The following MYO1E variants were observed in gnomAD, a reference collection of about 807,000 sequenced individuals.
The protein encoded by MYO1E is unconventional myosin-Ie.
A neutral mutation model predicts 151.1 loss-of-function variants in MYO1E; 68 were observed. The observed-to-expected ratio is 0.45, with a 90% CI of 0.37 to 0.55. The LOEUF (loss-of-function observed/expected upper bound fraction) is 0.55. Ranked by LOEUF, MYO1E falls within the 20% of genes least tolerant of loss-of-function variation. The probability of loss-of-function intolerance (pLI) is 0.00; values close to 1 mark genes in which losing one functional copy is unlikely to be tolerated. For synonymous variants in MYO1E, 601 were observed against 501.7 expected (o/e 1.20, Z -2.64); for missense variants, 1,363 against 1,389.3 (o/e 0.98, Z 0.30).
At chr15:59,362,481 G>A (rs889167507) in intron 1 of MYO1E, among the ~76,000 whole-genome samples, 9 of 152,186 alleles carry the variant, frequency 5.9e-5, no homozygotes, top group Non-Finnish European at 2.9e-5. Context: ...GAGGACTCAG[G>A]ACATTCTCCC....
intron 21 of MYO1E, among the ~76,000 whole-genome samples, chr15:59,173,524 T>C (rs1257731761): frequency 1.3e-5 from 2 of 152,242 alleles, no homozygotes; most frequent in African/African-American, 4.8e-5. Context: ...CGCAAATGTA[T>C]GTTTTCATAA....
chr15:59,174,769 A>G (rs1302500974), intron 19 of MYO1E, among the ~76,000 whole-genome samples: 1 of 152,046 alleles, frequency 6.6e-6, no homozygotes, highest in African/African-American at 2.4e-5. Context: ...AGGATTCACC[A>G]ATCTCAGGAT....
chr15:59,191,332 CAGAGAGAG>C lies in MYO1E; in HGVS notation c.1806-3124_1806-3117del, dbSNP rs34694267. Among the ~76,000 whole-genome samples the C allele has an allele frequency of 2.1e-3, 219 of 105,728 alleles. 1 individual carries two copies. The highest frequency in any genetic ancestry group is 4.9e-3 in the African/African-American group (143 of 29,036). 69.4% of individuals were successfully genotyped at this position (105,728 alleles called of 152,430 possible). A position where few individuals can be genotyped will look rare whatever the true frequency, so the allele number is the denominator to read the frequency against. ...CCCATATAAGTCAGACAGACAGAGA[CAGAGAGAG>C]AGAGAGAGAGAGAGAGAGAGAGAGA... On this transcript the variant is annotated intron_variant, in intron 17 of 27. Coordinates refer to ENST00000288235, the MANE Select transcript of MYO1E (RefSeq NM_004998.4).
intron 1 of MYO1E, among the ~76,000 whole-genome samples, chr15:59,305,634 T>G (rs2080510412): frequency 2.0e-5 from 3 of 152,184 alleles, no homozygotes. Context: ...CTTCCTCTAT[T>G]CAGATTTCCT....
rs368611275 is a variant in MYO1E, at chr15:59,321,096, CTAAT to C, written c.4-48651_4-48648del. The stretch of plus-strand genomic sequence containing the variant: ...AAAAATGAAAAAATGCTCAACATCA[CTAAT>C]TATCATAGAAATACAAATCAAAACC... On this transcript the variant is annotated intron_variant, in intron 1 of 27. Transcript: ENST00000288235. 6.8e-3 allele frequency among the ~76,000 whole-genome samples: 1,040 copies of C among 152,310 alleles called. 11 individuals carry two copies. Among genetic ancestry groups the C allele is most frequent in the African/African-American group, 0.024 (977 of 41,562 alleles).
At chr15:59,252,166 T>C (rs1253161147) in intron 4 of MYO1E, among the ~76,000 whole-genome samples, 1 of 152,198 alleles carries the variant, frequency 6.6e-6, no homozygotes, top group African/African-American at 2.4e-5. Flanking sequence ...TTCATTTTTC[T>C]CTTAAAAAGC....
At chr15:59,235,442 G>C (rs748205047) in intron 5 of MYO1E, among the ~76,000 whole-genome samples, 1 of 152,140 alleles carries the variant, frequency 6.6e-6, no homozygotes, top group Non-Finnish European at 1.5e-5. Flanking sequence ...ACAATGTTCT[G>C]AACCTTGTCT....
intron 26 of MYO1E, among the ~76,000 whole-genome samples, chr15:59,150,348 T>C (rs760787708): frequency 4.6e-5 from 7 of 152,176 alleles, no homozygotes; most frequent in Non-Finnish European, 1.0e-4. Flanking sequence ...GGGAACCACA[T>C]GGCAGAGGGC....
chr15:59,178,099 G>C (rs187954947), intron 19 of MYO1E, among the ~76,000 whole-genome samples: 2 of 152,374 alleles, frequency 1.3e-5, no homozygotes, highest in Admixed American at 6.5e-5. Flanking sequence ...CCCTCCAGGA[G>C]TGTAGCAGCT....
intron 12 of MYO1E, chr15:59,212,632 T>G (rs2079886204): frequency 6.6e-6 from 1 of 152,208 alleles, no homozygotes; most frequent in Admixed American, 6.5e-5. Context: ...TCTTTTTCTT[T>G]TTTTTTACAG....
chr15:59,216,683 TATACACATACACACACACACAC>T (rs2079919778), intron 10 of MYO1E, among the ~76,000 whole-genome samples: 1 of 27,470 alleles, frequency 3.6e-5, no homozygotes, highest in African/African-American at 1.3e-4. Flanking sequence ...TATATATATA[TATACACATACACACACACACAC>T]ACACACACAC....
intron 19 of MYO1E, among the ~76,000 whole-genome samples, chr15:59,175,218 A>T (rs1451456413): frequency 2.6e-5 from 4 of 152,208 alleles, no homozygotes; most frequent in African/African-American, 9.7e-5. Flanking sequence ...TTCTCTGTAA[A>T]TCTGCACTTG....
intron 13 of MYO1E, among the ~76,000 whole-genome samples, chr15:59,209,813 ACCTTTTTTTTTTTTTTTTT>A (rs1489512913): frequency 1.4e-5 from 1 of 71,166 alleles, no homozygotes. Flanking sequence ...ATTTTGAATC[ACCTTTTTTTTTTTTTTTTT>A]TTTTTTTTTT....
intron 1 of MYO1E, among the ~76,000 whole-genome samples, chr15:59,344,959 T>C (rs1175678413): frequency 1.3e-5 from 2 of 152,216 alleles, no homozygotes; most frequent in African/African-American, 4.8e-5. Flanking sequence ...TGCATATTGA[T>C]AGGATATGAC....
At chr15:59,280,205 T>C (rs188579606) in intron 1 of MYO1E, among the ~76,000 whole-genome samples, 230 of 152,344 alleles carry the variant, frequency 1.5e-3, no homozygotes, top group Middle Eastern at 6.8e-3. Context: ...GAAATGTCAA[T>C]CTCAAAAGGA....
At chr15:59,262,745 G>A (rs1376938651) in intron 2 of MYO1E, among the ~76,000 whole-genome samples, 1 of 152,094 alleles carries the variant, frequency 6.6e-6, no homozygotes, top group African/African-American at 2.4e-5. Flanking sequence ...TATTATTTCT[G>A]CTTGGGGAAT....
intron 1 of MYO1E, among the ~76,000 whole-genome samples, chr15:59,290,171 T>C (rs987537722): frequency 2.6e-4 from 40 of 152,192 alleles, no homozygotes; most frequent in African/African-American, 9.6e-4. Flanking sequence ...AGATTTGTAC[T>C]GGTTTGGTGG....
intron 16 of MYO1E, among the ~76,000 whole-genome samples, chr15:59,198,387 G>A (rs2079780665): frequency 6.6e-6 from 1 of 152,096 alleles, no homozygotes; most frequent in Non-Finnish European, 1.5e-5. Context: ...CCTGACTGTG[G>A]GTCCTGGCAC....
At chr15:59,360,079 T>C (rs2080876927) in intron 1 of MYO1E, among the ~76,000 whole-genome samples, 2 of 152,234 alleles carry the variant, frequency 1.3e-5, no homozygotes, top group Admixed American at 6.5e-5. Flanking sequence ...TCATGAGTTG[T>C]CAACGGCTGA....
Sources: gnomAD v4.1 joint callset for allele counts (sites outside exome capture counted in the v4.1 genomes callset) on GRCh38, gnomAD v4.1.1 for gene constraint, MANE v1.5 for transcripts, NCBI Gene and HGNC (gene_info 2026-07-23, HGNC 2026-07-21) for gene names.